The following ELP1 variants were observed in gnomAD, a reference collection of about 807,000 sequenced individuals.
ELP1 encodes elongator complex protein 1.
In ELP1, 131 loss-of-function variants were observed where a neutral mutation model predicts 183.2. That is an observed-to-expected ratio of 0.72 (90% confidence interval 0.62 to 0.83). ELP1 has a LOEUF of 0.83. Ranked by LOEUF, ELP1 falls within the 40% of genes least tolerant of loss-of-function variation. The pLI is 0.00. For missense variants in ELP1, 1,550 were observed against 1,594.9 expected, an observed-to-expected ratio of 0.97 and a Z score of 0.48; for synonymous variants, 555 against 569.0, an observed-to-expected ratio of 0.98 and a Z score of 0.35.
At chr9:108,924,156 C>T (rs902060435) in intron 5 of ELP1, among the ~76,000 whole-genome samples, 2 of 152,308 alleles carry the variant, frequency 1.3e-5, no homozygotes, top group African/African-American at 4.8e-5. Context: ...GATGCGGTTA[C>T]AGCAGGGATT....
chr9:108,929,864 G>A lies in ELP1; in HGVS notation c.208C>T (p.Arg70Cys), dbSNP rs3737311. 282 of 1,613,798 alleles carry A rather than the reference G, an allele frequency of 1.7e-4. No homozygotes were observed. The East Asian group carries it at 3.7e-3, about 21-fold the overall frequency. ...EGFLPEDGSG[R>C]IVGVQDLLDQ... ...AGCAAGTCCTGAACACCAACAATGC[G>A]GCCACTTCCATCCTCTGGGAGAAAG... The change falls in exon 3 of 37, where the codon CGC (arginine) becomes TGC (cysteine). Residue 70 changes from arginine to cysteine, a missense_variant. Physicochemically the swap from Arg to Cys is radical, Grantham distance 180. Transcript: ENST00000374647.
Position 108,923,676 on chromosome 9 carries a change from A to G in ELP1, c.467-749T>C, listed in dbSNP as rs375017525. ...ACAAAACAGCTCCTCACATAGACTT[A>G]GAGATTGAGACCCTCCCTAATGGTG... On this transcript the variant is annotated intron_variant, in intron 5 of 36. Coordinates refer to ENST00000374647, the MANE Select transcript of ELP1 (RefSeq NM_003640.5). Among the ~76,000 whole-genome samples the G allele has an allele frequency of 4.6e-5, 7 of 152,312 alleles. No homozygotes were observed. In the East Asian group the frequency reaches 1.2e-3, roughly 25 times the overall value.
At chr9:108,930,615 G>A (rs933645057) in intron 2 of ELP1, among the ~76,000 whole-genome samples, 10 of 151,058 alleles carry the variant, frequency 6.6e-5, no homozygotes, top group Admixed American at 2.6e-4. Flanking sequence ...GTGTGAACCC[G>A]GGGAGGCGGA....
Position 108,929,800 on chromosome 9 carries a change from T to A in ELP1, c.272A>T (p.Asp91Val). 6.2e-7 allele frequency: 1 copy of A among 1,613,918 alleles called. No homozygotes were observed. Among genetic ancestry groups the A allele is most frequent in the Non-Finnish European group, 8.5e-7 (1 of 1,180,014 alleles). ...ESVCVATASG[D>V]VILCSLSTQQ... ...TGTGCTGAGACTGCAGAGTATGACG[T>A]CTCCAGAGGCTGTGGCCACACACAC... The change falls in exon 3 of 37, where the codon GAC becomes GTC. Residue 91 changes from aspartate to valine, a missense_variant. Asp to Val is a radical substitution (Grantham distance 152, BLOSUM62 -3). Transcript: ENST00000374647.
chr9:108,892,133 G>A (rs772694685), intron 27 of ELP1, among the ~76,000 whole-genome samples: 5 of 152,162 alleles, frequency 3.3e-5, no homozygotes, highest in Non-Finnish European at 7.3e-5. Context: ...CAGCTAATCA[G>A]CAGTTTGACA....
intron 18 of ELP1, among the ~76,000 whole-genome samples, chr9:108,900,663 T>C (rs140466304): frequency 4.3e-4 from 65 of 152,324 alleles, no homozygotes; most frequent in Admixed American, 1.4e-3. Flanking sequence ...TTCTTAGCAT[T>C]ATCAGTGTAC....
chr9:108,891,684 A>G (rs1353342258), intron 27 of ELP1, among the ~76,000 whole-genome samples: 3 of 152,252 alleles, frequency 2.0e-5, no homozygotes, highest in African/African-American at 7.2e-5. Flanking sequence ...AACAAATGAA[A>G]AACCATATAA....
At position 108,880,102 on chromosome 9, in the gene ELP1, C is replaced by T. The variant is rs1827867938; in HGVS notation, c.3410G>A (p.Arg1137His). 7 of 1,614,056 alleles carry T rather than the reference C, an allele frequency of 4.3e-6. No individual in the cohort carries two copies. The highest frequency in any genetic ancestry group is 2.7e-5 in the African/African-American group (2 of 74,922). Residue 1137 changes from arginine to histidine, a missense_variant, in exon 32 of 37, where the codon CGT (arginine) becomes CAT (histidine). Arg to His is a conservative substitution (Grantham distance 29). Coordinates refer to ENST00000374647, the MANE Select transcript of ELP1 (RefSeq NM_003640.5). ...QTATFSRHKK[R>H]LLVVRELKEQ... is the part of the protein sequence containing the mutation. ...CTTGAGCTCTCGAACTACCAATAAA[C>T]GTTTCTTGTGGCGACTGAATGTGGC...
intron 25 of ELP1, 46 bp downstream of exon 25, chr9:108,896,450 T>C (rs776839980): frequency 1.9e-6 from 3 of 1,588,362 alleles, no homozygotes; most frequent in South Asian, 2.2e-5. Context: ...ACACTATCAT[T>C]ATATAAACAA....
intron 35 of ELP1, among the ~76,000 whole-genome samples, chr9:108,877,360 AATAG>A (rs972909113): frequency 6.6e-6 from 1 of 152,238 alleles, no homozygotes; most frequent in African/African-American, 2.4e-5. Flanking sequence ...GTGATAAAAT[AATAG>A]ATAGGCTTTT....
At chr9:108,905,493 A>G (rs1828984112) in intron 14 of ELP1, among the ~76,000 whole-genome samples, 1 of 152,214 alleles carries the variant, frequency 6.6e-6, no homozygotes, top group African/African-American at 2.4e-5. Context: ...AGAACAGTGA[A>G]ATTTCAGCAA....
intron 29 of ELP1, among the ~76,000 whole-genome samples, chr9:108,883,290 A>G (rs1828000054): frequency 1.3e-5 from 2 of 152,228 alleles, no homozygotes; most frequent in Non-Finnish European, 2.9e-5. Flanking sequence ...TGGCCTCCCA[A>G]GAAGTTGGGA....
At chr9:108,894,219 C>G (rs1378850684) in intron 25 of ELP1, among the ~76,000 whole-genome samples, 153 bp from the exon 26 acceptor site, 1 of 152,094 alleles carries the variant, frequency 6.6e-6, no homozygotes, top group East Asian at 1.9e-4. Context: ...TAAAATCAAA[C>G]TACAGTTGTC....
intron 27 of ELP1, among the ~76,000 whole-genome samples, chr9:108,891,768 TG>T (rs1312954110): frequency 2.0e-5 from 3 of 152,122 alleles, no homozygotes; most frequent in Non-Finnish European, 2.9e-5. Context: ...TATAGCATAA[TG>T]GCAAACGTGA....
In ELP1 at chr9:108,917,656, A is replaced by C. The variant is rs1829498017; in HGVS notation, c.755T>G (p.Leu252Trp). Reference sequence around the variant, plus strand: ...GGGTTTATCTTGTGTAGATGCAATCAAACTGCCTGAGGGTCTTAAAGCAAA... The same window carrying C: ...GGGTTTATCTTGTGTAGATGCAATCCAACTGCCTGAGGGTCTTAAAGCAAA... ...PALAWKPSGS[L>W]IASTQDKPNQ... Residue 252 changes from leucine (L) to tryptophan (W), a missense_variant, in exon 9 of 37, where the codon TTG becomes TGG. Physicochemically the swap from Leu to Trp is moderately conservative, Grantham distance 61. Transcript: ENST00000374647. The C allele has an allele frequency of 6.2e-7, 1 of 1,612,874 alleles. No homozygotes were observed. The highest frequency in any genetic ancestry group is 1.1e-5 in the South Asian group (1 of 91,026).
chr9:108,881,262 A>G (rs1012741711), intron 31 of ELP1, among the ~76,000 whole-genome samples: 1 of 152,202 alleles, frequency 6.6e-6, no homozygotes, highest in Non-Finnish European at 1.5e-5. Flanking sequence ...GCATGCATAC[A>G]CACATTCATT....
chr9:108,905,635 AACGATGGGGAT>A (rs1828989127), intron 14 of ELP1, among the ~76,000 whole-genome samples: 1 of 152,184 alleles, frequency 6.6e-6, no homozygotes, highest in Non-Finnish European at 1.5e-5. Context: ...TGCATCATTT[AACGATGGGGAT>A]ACGTCTGAGA....
chr9:108,909,903 G>A (rs745967267), intron 12 of ELP1, among the ~76,000 whole-genome samples: 3 of 152,096 alleles, frequency 2.0e-5, no homozygotes, highest in African/African-American at 4.8e-5. Flanking sequence ...AAAATTGATC[G>A]TGGTGATGGC....
chr9:108,916,395 A>G (rs1829435133), intron 9 of ELP1, 98 bp from the exon 10 acceptor site: 2 of 955,972 alleles, frequency 2.1e-6, no homozygotes, highest in South Asian at 2.6e-5. Context: ...AAATAATCCC[A>G]CTACCTGAGC....
Sources: allele counts gnomAD v4.1 joint callset (sites outside exome capture counted in the v4.1 genomes callset), GRCh38; gene constraint gnomAD v4.1.1; transcripts MANE v1.5; gene names NCBI Gene and HGNC (gene_info 2026-07-23, HGNC 2026-07-21).